PRPF18: variants seen among roughly 807,000 people sequenced by gnomAD.
PRPF18 encodes pre-mRNA-splicing factor 18.
In PRPF18, 38 loss-of-function variants were observed where a neutral mutation model predicts 46.5. The ratio of observed to expected loss-of-function variants is 0.82; its 90% confidence interval spans 0.63 to 1.07. The LOEUF (loss-of-function observed/expected upper bound fraction) is 1.07. Ranked by LOEUF, PRPF18 falls within the 50% of genes least tolerant of loss-of-function variation. The pLI, the probability that PRPF18 is intolerant of heterozygous loss-of-function variation, is 0.00. For synonymous variants in PRPF18, 152 were observed against 146.7 expected, an observed-to-expected ratio of 1.04 and a Z score of -0.26; for missense variants, 263 against 410.0, an observed-to-expected ratio of 0.64 and a Z score of 3.10.
At chr10:13,626,844 G>A (rs1038408133) in intron 9 of PRPF18, among the ~76,000 whole-genome samples, 5 of 151,128 alleles carry the variant, frequency 3.3e-5, no homozygotes, top group East Asian at 1.9e-4. Flanking sequence ...CAGAAAACCC[G>A]GAATTATCCT....
In PRPF18 at chr10:13,630,460, C is replaced by A; in HGVS notation, c.*120C>A. On this transcript the variant is annotated 3_prime_UTR_variant, in exon 10 of 10. Transcript: ENST00000378572. ...TGGAGTTTCCAGTCTCTGAGTTCTACCTGATGTAACTCTTGATTGGTTTTA... is the reference window on the plus strand; with the variant it reads ...TGGAGTTTCCAGTCTCTGAGTTCTAACTGATGTAACTCTTGATTGGTTTTA... The A allele has an allele frequency of 1.4e-6, 1 of 694,352 alleles. No individual in the cohort carries two copies. Among genetic ancestry groups the A allele is most frequent in the Non-Finnish European group, 2.4e-6 (1 of 421,492 alleles). The allele number at this position is 694,352 out of a possible 1,614,324, so 43.0% of individuals were successfully genotyped here.
intron 6 of PRPF18, among the ~76,000 whole-genome samples, chr10:13,612,379 T>C (rs2080281462): frequency 6.6e-6 from 1 of 152,134 alleles, no homozygotes; most frequent in Non-Finnish European, 1.5e-5. Flanking sequence ...TTCAAGCGAT[T>C]ATCCTGCCTC....
intron 7 of PRPF18, 44 bp from the exon 8 acceptor site, chr10:13,613,971 T>A (rs1460626291): frequency 6.4e-7 from 1 of 1,559,296 alleles, no homozygotes; most frequent in African/African-American, 1.4e-5. Flanking sequence ...TCCCTATACA[T>A]CTATACATAG....
chr10:13,613,739 A>G lies in PRPF18; in HGVS notation c.580-2A>G. 6.2e-7 allele frequency: 1 copy of G among 1,611,332 alleles called. No homozygotes were observed. The highest frequency in any genetic ancestry group is 8.5e-7 in the Non-Finnish European group (1 of 1,179,286). ...GTCTAAGTTTACCCATCCTTTCAAC[A>G]GTTTCTTCTTGGCGTTTGGGCTAAA... is the stretch of plus-strand genomic sequence containing the variant. On this transcript the variant is annotated splice_acceptor_variant, in intron 6 of 9. Transcript: ENST00000378572. LOFTEE classifies it high-confidence loss of function.
chr10:13,605,759 C>T lies in PRPF18; in HGVS notation c.363+15C>T. 1.2e-6 allele frequency: 2 copies of T among 1,601,112 alleles called. No homozygotes were observed. Among genetic ancestry groups the T allele is most frequent in the Non-Finnish European group, 1.7e-6 (2 of 1,175,862 alleles). ...AAGTTAACAAGGTAAGAGGACAGAA[C>T]AAAGCTAGAAAAATACCACTGTACT... On this transcript the variant is annotated intron_variant, in intron 4 of 9. Transcript: ENST00000378572.
chr10:13,622,009 T>A (rs2080427345), intron 9 of PRPF18, among the ~76,000 whole-genome samples: 1 of 140,556 alleles, frequency 7.1e-6, no homozygotes, highest in Non-Finnish European at 1.6e-5. Flanking sequence ...CATTCATGAC[T>A]GCAATAAGTG....
the PRPF18 span, chr10:13,654,422 T>G: frequency 1.2e-6 from 2 of 1,600,456 alleles, no homozygotes; most frequent in South Asian, 2.2e-5. Flanking sequence ...TCACCCAGTC[T>G]GCCAGGTTAG....
chr10:13,643,587 T>C, the PRPF18 span: 2 of 152,564 alleles, frequency 1.3e-5, no homozygotes, highest in Admixed American at 6.5e-5. Flanking sequence ...CATCTATAGA[T>C]TGACTTTAAT....
intron 9 of PRPF18, among the ~76,000 whole-genome samples, chr10:13,623,759 G>A (rs543783628): frequency 2.6e-5 from 4 of 152,128 alleles, no homozygotes; most frequent in African/African-American, 9.7e-5. Flanking sequence ...GTGGATGCAG[G>A]TTGGTTGTTT....
the PRPF18 span, chr10:13,639,050 G>C: frequency 6.6e-6 from 1 of 152,314 alleles, no homozygotes; most frequent in African/African-American, 2.4e-5. Flanking sequence ...TGAGGTCTTT[G>C]TTCATTTCGA....
the PRPF18 span, among the ~76,000 whole-genome samples, chr10:13,650,668 C>T: frequency 6.6e-6 from 1 of 152,170 alleles, no homozygotes; most frequent in Non-Finnish European, 1.5e-5. Context: ...AAGCCTAAGT[C>T]CCTGTCCTAA....
At chr10:13,654,499 T>A in the PRPF18 span, 1 of 1,612,882 alleles carries the variant, frequency 6.2e-7, no homozygotes, top group Non-Finnish European at 8.5e-7. Flanking sequence ...TTCTCTGGCT[T>A]TGAGGTAAGG....
chr10:13,606,570 A>C (rs1037422422), intron 4 of PRPF18, among the ~76,000 whole-genome samples: 3 of 152,046 alleles, frequency 2.0e-5, no homozygotes, highest in Non-Finnish European at 4.4e-5. Context: ...CCCCGTCTCT[A>C]CTAAAAATAC....
At chr10:13,653,230 G>A in the PRPF18 span, 1 of 152,224 alleles carries the variant, frequency 6.6e-6, no homozygotes, top group Non-Finnish European at 1.5e-5. Context: ...TAAACCTGCA[G>A]GAACAAAAAT....
At chr10:13,654,480 G>T in the PRPF18 span, 5 of 1,613,870 alleles carry the variant, frequency 3.1e-6, no homozygotes, top group Non-Finnish European at 4.2e-6. Flanking sequence ...TCACTTGACG[G>T]TGTCGAGCTT....
intron 9 of PRPF18, among the ~76,000 whole-genome samples, chr10:13,629,860 T>TGGATGCCTTAA (rs1325244986): frequency 1.3e-5 from 2 of 152,354 alleles, no homozygotes; most frequent in Middle Eastern, 3.4e-3. Flanking sequence ...TTACATACAA[T>TGGATGCCTTAA]GGATGCCTTA....
chr10:13,632,347 C>T (rs187137093), downstream of PRPF18, among the ~76,000 whole-genome samples: 2 of 151,756 alleles, frequency 1.3e-5, no homozygotes, highest in African/African-American at 4.8e-5. Flanking sequence ...TCCCCTCCCC[C>T]CCGCAAAAAA....
Position 13,611,626 on chromosome 10 carries a change from G to C in PRPF18, c.522G>C (p.Glu174Asp). ...TTIEELEALG[E>D]SLGKGDDHKD... ...TTCTTTTTCTTCAGGCGCTTGGAGA[G>C]TCCTTAGGGAAAGGCGATGATCATA... Residue 174 changes from glutamate to aspartate, a missense_variant, in exon 6 of 10, where the codon GAG becomes GAC. Around this residue, in one of 4 missense-constraint regions of PRPF18, gnomAD observed 155 missense variants for 245.1 expected, o/e 0.63. Transcript: ENST00000378572. The C allele has an allele frequency of 7.4e-6, 12 of 1,613,860 alleles. No homozygotes were observed. The highest frequency in any genetic ancestry group is 1.0e-5 in the Non-Finnish European group (12 of 1,179,858).
chr10:13,589,040 A>G (rs2079918797), intron 1 of PRPF18, among the ~76,000 whole-genome samples: 1 of 152,254 alleles, frequency 6.6e-6, no homozygotes, highest in Non-Finnish European at 1.5e-5. Context: ...ACAAAATATG[A>G]AAAGATCACT....
Sources: allele counts gnomAD v4.1 joint callset (sites outside exome capture counted in the v4.1 genomes callset), GRCh38; gene constraint gnomAD v4.1.1; regional missense constraint gnomAD v4.1.1; transcripts MANE v1.5; gene names NCBI Gene and HGNC (gene_info 2026-07-23, HGNC 2026-07-21).